L2HGDH: variants seen among roughly 807,000 people sequenced by gnomAD.
L2HGDH encodes L-2-hydroxyglutarate dehydrogenase, mitochondrial.
A neutral mutation model predicts 51.5 loss-of-function variants in L2HGDH; 34 were observed. That is an observed-to-expected ratio of 0.66 (90% CI 0.50 to 0.88). L2HGDH has a LOEUF of 0.88. Ranked by LOEUF, L2HGDH falls within the 40% of genes least tolerant of loss-of-function variation. The probability of loss-of-function intolerance (pLI) is 0.00; values close to 1 mark genes in which losing one functional copy is unlikely to be tolerated. For missense variants in L2HGDH, 558 were observed against 571.9 expected (o/e 0.98, Z 0.25); for synonymous variants, 198 against 197.9 (o/e 1.00, Z -0.01).
intron 9 of L2HGDH, among the ~76,000 whole-genome samples, chr14:50,263,586 G>C (rs1370711345): frequency 6.6e-6 from 1 of 152,184 alleles, no homozygotes; most frequent in Non-Finnish European, 1.5e-5. Flanking sequence ...CTAGTGCTAA[G>C]AAAATTCATG....
chr14:50,296,548 C>G (rs1202029238), intron 3 of L2HGDH, among the ~76,000 whole-genome samples: 2 of 144,736 alleles, frequency 1.4e-5, no homozygotes, highest in Non-Finnish European at 3.0e-5. Context: ...AGAAGAAAAA[C>G]TTAATAAACC....
chr14:50,268,836 T>C (rs1835076710), intron 7 of L2HGDH, among the ~76,000 whole-genome samples: 1 of 151,908 alleles, frequency 6.6e-6, no homozygotes, highest in Non-Finnish European at 1.5e-5. Flanking sequence ...AGGAAAAGGG[T>C]TGGGTATCAG....
chr14:50,257,488 G>A (rs1888740818), intron 9 of L2HGDH, among the ~76,000 whole-genome samples: 1 of 151,722 alleles, frequency 6.6e-6, no homozygotes, highest in Admixed American at 6.6e-5. Flanking sequence ...TCCCTCCTCG[G>A]CCTCCAGAGT....
chr14:50,258,643 A>G (rs1001422139), intron 9 of L2HGDH, among the ~76,000 whole-genome samples: 2 of 151,946 alleles, frequency 1.3e-5, no homozygotes, highest in Non-Finnish European at 1.5e-5. Flanking sequence ...CTTCCAGAGT[A>G]GGTGGGACTA....
At chr14:50,270,355 C>T (rs1889600012) in intron 6 of L2HGDH, among the ~76,000 whole-genome samples, 1 of 152,148 alleles carries the variant, frequency 6.6e-6, no homozygotes, top group African/African-American at 2.4e-5. Context: ...ACTTGAATTC[C>T]CATCTCTTTA....
Position 50,312,087 on chromosome 14 carries a change from C to T in L2HGDH, c.64G>A (p.Gly22Ser). Residue 22 changes from glycine to serine, a missense_variant, in exon 1 of 10, where the codon GGC becomes AGC. Around this residue, in one of 3 missense-constraint regions of L2HGDH, gnomAD observed 194 missense variants for 187.2 expected, o/e 1.04. Transcript: ENST00000267436. Reference protein sequence around the residue: ...CGRARGLFAGGSPGACGFASG... With the variant: ...CGRARGLFAGSSPGACGFASG... ...GCGAACCCGCACGCCCCAGGGGAGC[C>T]ACCGGCGAAAAGCCCGCGGGCCCGT... 1 of 1,606,488 alleles carries T rather than the reference C, an allele frequency of 6.2e-7. No homozygotes were observed. The highest frequency in any genetic ancestry group is 8.5e-7 in the Non-Finnish European group (1 of 1,177,520).
At chr14:50,263,766 C>A (rs116713532) in intron 9 of L2HGDH, among the ~76,000 whole-genome samples, 1,524 of 138,120 alleles carry the variant, frequency 0.011, 22 homozygotes, top group African/African-American at 0.039. Context: ...GTCTAGAAAG[C>A]CTTTTATCTT....
At chr14:50,286,521 A>AC (rs1458003198) in intron 4 of L2HGDH, among the ~76,000 whole-genome samples, 7 of 152,174 alleles carry the variant, frequency 4.6e-5, no homozygotes, top group Non-Finnish European at 1.0e-4. Context: ...CCTGGAAAAA[A>AC]AACAAGTGAC....
At chr14:50,255,467 T>C (rs1888606884) in intron 9 of L2HGDH, among the ~76,000 whole-genome samples, 2 of 134,080 alleles carry the variant, frequency 1.5e-5, no homozygotes, top group South Asian at 4.6e-4. Context: ...ATCCAGGAGG[T>C]GGAGGTTGCG....
intron 2 of L2HGDH, among the ~76,000 whole-genome samples, 179 bp downstream of exon 2, chr14:50,302,723 C>T (rs1300351937): frequency 6.6e-6 from 1 of 152,160 alleles, no homozygotes. Context: ...ACACGTCCTC[C>T]TTGTCCCACA....
At chr14:50,296,388 A>C (rs1470445034) in intron 3 of L2HGDH, among the ~76,000 whole-genome samples, 2 of 150,132 alleles carry the variant, frequency 1.3e-5, no homozygotes, top group East Asian at 3.9e-4. Context: ...AAAAAAAAAA[A>C]AAAAAAAAAC....
intron 3 of L2HGDH, 37 bp from the exon 4 acceptor site, chr14:50,294,283 T>C (rs771714192): frequency 1.3e-6 from 2 of 1,596,610 alleles, no homozygotes; most frequent in Non-Finnish European, 1.7e-6. Context: ...TGGATAGAGG[T>C]GAATGTATCA....
intron 6 of L2HGDH, among the ~76,000 whole-genome samples, chr14:50,274,054 G>T (rs1313046393): frequency 1.3e-5 from 2 of 151,930 alleles, no homozygotes; most frequent in African/African-American, 4.8e-5. Flanking sequence ...CTCCAGCCTG[G>T]GCAACAAGAG....
intron 9 of L2HGDH, among the ~76,000 whole-genome samples, chr14:50,257,895 T>C (rs1321522807): frequency 1.3e-5 from 2 of 151,664 alleles, no homozygotes; most frequent in Non-Finnish European, 2.9e-5. Context: ...TGACTCTCAC[T>C]TATGGTGGTT....
chr14:50,242,647 TCTCGAGGC>T lies in L2HGDH; in HGVS notation c.*4403_*4410del. The T allele has an allele frequency of 1.0e-6, 1 of 985,430 alleles. No homozygotes were observed. The highest frequency in any genetic ancestry group is 1.2e-6 in the Non-Finnish European group (1 of 829,930). 61.0% of individuals were successfully genotyped at this position (985,430 alleles called of 1,614,324 possible). ...AATGAGTACAAACTATTTGAAAACA[TCTCGAGGC>T]AGCTTTTGCTTTCCCAACCATTTCA... is the stretch of plus-strand genomic sequence containing the variant. On this transcript the variant is annotated 3_prime_UTR_variant, in exon 10 of 10. Coordinates refer to ENST00000267436, the MANE Select transcript of L2HGDH (RefSeq NM_024884.3).
At chr14:50,289,389 C>T (rs778934462) in intron 4 of L2HGDH, among the ~76,000 whole-genome samples, 1 of 152,076 alleles carries the variant, frequency 6.6e-6, no homozygotes, top group Non-Finnish European at 1.5e-5. Context: ...TCTTAATTAT[C>T]TTAACAGGGT....
intron 1 of L2HGDH, among the ~76,000 whole-genome samples, chr14:50,308,968 C>G (rs528355153): frequency 6.6e-6 from 1 of 152,294 alleles, no homozygotes; most frequent in South Asian, 2.1e-4. Flanking sequence ...CGACGCCTTG[C>G]ATGGATCTTA....
At chr14:50,280,320 C>A (rs891153514) in intron 5 of L2HGDH, among the ~76,000 whole-genome samples, 7 of 151,928 alleles carry the variant, frequency 4.6e-5, no homozygotes, top group African/African-American at 1.7e-4. Flanking sequence ...GCACGTATCA[C>A]CACACCCGGC....
Position 50,301,934 on chromosome 14 carries a change from T to C in L2HGDH, c.408+83A>G, listed in dbSNP as rs2030431829. 7 of 1,403,530 alleles carry C rather than the reference T, an allele frequency of 5.0e-6. No individual in the cohort carries two copies. The Admixed American group carries it at 1.2e-4, about 25-fold the overall frequency. The allele number at this position is 1,403,530 out of a possible 1,614,324, so 86.9% of individuals were successfully genotyped here. A position where few individuals can be genotyped will look rare whatever the true frequency, so the allele number is the denominator to read the frequency against. ...AATTACATAGATACAAAGAAAAAAA[T>C]ACATTTTTAAAAAATGTAATATTAA... On this transcript the variant is annotated intron_variant, in intron 3 of 9. Coordinates refer to ENST00000267436, the MANE Select transcript of L2HGDH (RefSeq NM_024884.3).
Sources: allele counts gnomAD v4.1 joint callset (sites outside exome capture counted in the v4.1 genomes callset), GRCh38; gene constraint gnomAD v4.1.1; regional missense constraint gnomAD v4.1.1; transcripts MANE v1.5; gene names NCBI Gene and HGNC (gene_info 2026-07-23, HGNC 2026-07-21).